KLHL32: variants seen among roughly 807,000 people sequenced by gnomAD.
The protein encoded by KLHL32 is kelch like family member 32, also known as kelch-like protein 32.
In KLHL32, 35 loss-of-function variants were observed where a neutral mutation model predicts 64.8. That is an observed-to-expected ratio of 0.54 (90% CI 0.41 to 0.72). The LOEUF (loss-of-function observed/expected upper bound fraction) is 0.72. Ranked by LOEUF, KLHL32 falls within the 30% of genes least tolerant of loss-of-function variation. The probability of loss-of-function intolerance (pLI) is 0.00; values close to 1 mark genes in which losing one functional copy is unlikely to be tolerated. For synonymous variants in KLHL32, 259 were observed against 281.0 expected (o/e 0.92, Z 0.78); for missense variants, 589 against 768.5 (o/e 0.77, Z 2.76).
chr6:97,054,373 C>A lies in KLHL32; in HGVS notation c.313-10255C>A, dbSNP rs73502864. Among the ~76,000 whole-genome samples the A allele has an allele frequency of 3.3e-5, 5 of 152,066 alleles. No individual in the cohort carries two copies. The East Asian group carries it at 9.6e-4, about 29-fold the overall frequency. On this transcript the variant is annotated intron_variant, in intron 4 of 10. Transcript: ENST00000369261. ...TAATTCAGCAAATACTTAATGAACACCTACTATATGCTAAGGACTTACTAG... is the reference window on the plus strand; with the variant it reads ...TAATTCAGCAAATACTTAATGAACAACTACTATATGCTAAGGACTTACTAG...
chr6:97,083,153 A>G (rs1792839700), intron 5 of KLHL32, among the ~76,000 whole-genome samples: 1 of 152,072 alleles, frequency 6.6e-6, no homozygotes, highest in Non-Finnish European at 1.5e-5. Flanking sequence ...GCACTTTGGG[A>G]GGCCAAGGTG....
intron 3 of KLHL32, among the ~76,000 whole-genome samples, chr6:97,007,590 G>A (rs371015140): frequency 6.6e-6 from 1 of 152,164 alleles, no homozygotes; most frequent in Non-Finnish European, 1.5e-5. Context: ...TTCTTGCACT[G>A]GTTCTTTCTC....
intron 4 of KLHL32, among the ~76,000 whole-genome samples, chr6:97,050,917 C>G (rs1470598736): frequency 6.6e-6 from 1 of 152,106 alleles, no homozygotes; most frequent in African/African-American, 2.4e-5. Flanking sequence ...GCAGGAGAAC[C>G]GCTTGAACTC....
intron 3 of KLHL32, among the ~76,000 whole-genome samples, chr6:96,976,585 ATT>A (rs1775719670): frequency 6.6e-6 from 1 of 152,030 alleles, no homozygotes; most frequent in African/African-American, 2.4e-5. Flanking sequence ...ATATATATAT[ATT>A]TTTGTTTTGT....
chr6:96,999,337 A>G (rs1778758039), intron 3 of KLHL32, among the ~76,000 whole-genome samples: 2 of 152,316 alleles, frequency 1.3e-5, no homozygotes, highest in African/African-American at 4.8e-5. Flanking sequence ...TCGAGGCTGC[A>G]GTGAGGCATG....
At chr6:97,124,028 A>G (rs1321251747) in intron 7 of KLHL32, among the ~76,000 whole-genome samples, 1 of 152,220 alleles carries the variant, frequency 6.6e-6, no homozygotes, top group Non-Finnish European at 1.5e-5. Context: ...AGGGAATGTA[A>G]TGATAAAGCC....
chr6:96,905,322 T>A, the KLHL32 span, among the ~76,000 whole-genome samples: 1 of 152,238 alleles, frequency 6.6e-6, no homozygotes, highest in Non-Finnish European at 1.5e-5. Flanking sequence ...AAAAGCAAGT[T>A]GTAACCAAAG....
intron 4 of KLHL32, among the ~76,000 whole-genome samples, chr6:97,053,468 A>T (rs1787280137): frequency 6.6e-6 from 1 of 152,164 alleles, no homozygotes; most frequent in Admixed American, 6.5e-5. Flanking sequence ...ATTCTATAAA[A>T]AGAAATTACT....
At chr6:96,983,943 G>A (rs1776679067) in intron 3 of KLHL32, among the ~76,000 whole-genome samples, 1 of 151,978 alleles carries the variant, frequency 6.6e-6, no homozygotes, top group Admixed American at 6.5e-5. Flanking sequence ...GTTTGCTCTT[G>A]CTTCTCTAGT....
In KLHL32 at chr6:96,959,291, G is replaced by A. The variant is rs189729073; in HGVS notation, c.-65-7705G>A. 1.2e-3 allele frequency among the ~76,000 whole-genome samples: 188 copies of A among 152,238 alleles called. 1 individual carries two copies. Among genetic ancestry groups the A allele is most frequent in the African/African-American group, 4.3e-3 (179 of 41,556 alleles). ...TGGAGGTAGTGTGGTCTGCAGGCCCGGGACAGCTTCTGAGCCACAGTAGCA... is the reference window on the plus strand; with the variant it reads ...TGGAGGTAGTGTGGTCTGCAGGCCCAGGACAGCTTCTGAGCCACAGTAGCA... On this transcript the variant is annotated intron_variant, in intron 1 of 10. Transcript: ENST00000369261.
upstream of KLHL32, among the ~76,000 whole-genome samples, chr6:96,924,117 A>C (rs1283194506): frequency 6.6e-6 from 1 of 152,200 alleles, no homozygotes; most frequent in Non-Finnish European, 1.5e-5. Context: ...TCTTAAAGTT[A>C]CTGTGAATTT....
At chr6:96,898,632 CCTT>C in the KLHL32 span, among the ~76,000 whole-genome samples, 22 of 152,134 alleles carry the variant, frequency 1.4e-4, no homozygotes, top group African/African-American at 5.1e-4. Context: ...TTCTCTCTTG[CCTT>C]CTTCATTCTT....
At chr6:96,997,165 A>G (rs1343737232) in intron 3 of KLHL32, among the ~76,000 whole-genome samples, 5 of 152,158 alleles carry the variant, frequency 3.3e-5, no homozygotes, top group Admixed American at 1.3e-4. Context: ...AAGCTGTACC[A>G]TTGAGCAAGC....
intron 4 of KLHL32, among the ~76,000 whole-genome samples, chr6:97,055,838 A>G (rs1006703594): frequency 1.2e-4 from 17 of 144,148 alleles, no homozygotes; most frequent in African/African-American, 3.6e-4. Flanking sequence ...TCTTATTTCT[A>G]TATTCCTCTT....
At chr6:96,946,502 A>G (rs1771935243) in intron 1 of KLHL32, among the ~76,000 whole-genome samples, 1 of 152,178 alleles carries the variant, frequency 6.6e-6, no homozygotes, top group African/African-American at 2.4e-5. Context: ...CCACTAAATA[A>G]TTACTTGTTG....
At chr6:96,972,789 T>G (rs1775254724) in intron 2 of KLHL32, among the ~76,000 whole-genome samples, 1 of 152,236 alleles carries the variant, frequency 6.6e-6, no homozygotes, top group African/African-American at 2.4e-5. Flanking sequence ...GGGAGCTGTT[T>G]GCAAGCATGT....
chr6:97,023,330 A>G (rs1320079727), intron 3 of KLHL32, among the ~76,000 whole-genome samples: 2 of 152,268 alleles, frequency 1.3e-5, no homozygotes, highest in African/African-American at 4.8e-5. Flanking sequence ...TTGACAATCT[A>G]TAAACTATAA....
intron 3 of KLHL32, among the ~76,000 whole-genome samples, chr6:97,030,470 C>A (rs370994779): frequency 2.9e-4 from 44 of 152,292 alleles, no homozygotes; most frequent in African/African-American, 9.1e-4. Context: ...TACTCACAAA[C>A]TAGGTTTTCA....
intron 3 of KLHL32, among the ~76,000 whole-genome samples, chr6:97,026,496 G>A (rs1782738538): frequency 6.6e-6 from 1 of 152,192 alleles, no homozygotes; most frequent in African/African-American, 2.4e-5. Context: ...GGGGTTAAAT[G>A]AAACAGTCTG....
Sources: gnomAD v4.1 joint callset for allele counts (sites outside exome capture counted in the v4.1 genomes callset) on GRCh38, gnomAD v4.1.1 for gene constraint, MANE v1.5 for transcripts, NCBI Gene and HGNC (gene_info 2026-07-23, HGNC 2026-07-21) for gene names.